The following GNAS-AS1 variants were observed in gnomAD, a reference collection of about 807,000 sequenced individuals.
GNAS-AS1 encodes the protein GNAS antisense RNA 1 (non-protein coding).
chr20:58,847,796 A>G (rs1032165513), intron 2 of GNAS-AS1, among the ~76,000 whole-genome samples: 4 of 152,230 alleles, frequency 2.6e-5, no homozygotes, highest in Non-Finnish European at 4.4e-5. Flanking sequence ...TGTTGGCTAC[A>G]GGGATAAACC....
At chr20:58,843,366 T>C (rs2085817133) in intron 2 of GNAS-AS1, 1 of 152,176 alleles carries the variant, frequency 6.6e-6, no homozygotes, top group East Asian at 1.9e-4. Context: ...TTTTGCTATA[T>C]AGACTTCGCA....
At position 58,840,405 on chromosome 20, in the gene GNAS-AS1, G is replaced by A; in HGVS notation, n.819+1532C>T. ...GACCTTGAGCTGTCCCTCCCCGAGT[G>A]CCTAGAGTACGAGGAAGAGTTCGAC... On this transcript the variant is annotated intron_variant and non_coding_transcript_variant, in intron 4 of 4. Coordinates refer to ENST00000424094, the Ensembl canonical transcript of GNAS-AS1. The surrounding 1 kb of genome is among the most constrained non-coding windows in gnomAD (Gnocchi z 6.0). The A allele has an allele frequency of 1.2e-6, 2 of 1,613,534 alleles. No homozygotes were observed. The highest frequency in any genetic ancestry group is 2.2e-5 in the South Asian group (2 of 91,084).
In GNAS-AS1 at chr20:58,840,431, T is replaced by C; in HGVS notation, n.819+1506A>G. 1.9e-6 allele frequency: 3 copies of C among 1,613,452 alleles called. No individual in the cohort carries two copies. The highest frequency in any genetic ancestry group is 2.5e-6 in the Non-Finnish European group (3 of 1,179,838). On this transcript the variant is annotated intron_variant and non_coding_transcript_variant, in intron 4 of 4. Coordinates refer to ENST00000424094, the Ensembl canonical transcript of GNAS-AS1. The surrounding 1 kb of genome is among the most constrained non-coding windows in gnomAD (Gnocchi z 6.0). Reference sequence around the variant, plus strand: ...CCTAGAGTACGAGGAAGAGTTCGACTACGAGACCGAGAGCGAGACCGAGTC... The same window carrying C: ...CCTAGAGTACGAGGAAGAGTTCGACCACGAGACCGAGAGCGAGACCGAGTC...
At chr20:58,836,757 T>C (rs2085606322) in intron 4 of GNAS-AS1, among the ~76,000 whole-genome samples, 1 of 152,210 alleles carries the variant, frequency 6.6e-6, no homozygotes, top group South Asian at 2.1e-4. Context: ...AAGTGTGAGA[T>C]GGAATGGCAT....
chr20:58,842,608 C>A, intron 2 of GNAS-AS1: 3 of 398,088 alleles, frequency 7.5e-6, no homozygotes, highest in Non-Finnish European at 1.3e-5. Flanking sequence ...ATGTTAGTCT[C>A]AGAAGTTTGG....
chr20:58,842,225 A>T (rs756247425), exon 4 of GNAS-AS1: 6 of 398,384 alleles, frequency 1.5e-5, no homozygotes, highest in Non-Finnish European at 1.3e-5. Flanking sequence ...TCCTGGGGGG[A>T]AAGACTGATA....
intron 4 of GNAS-AS1, among the ~76,000 whole-genome samples, chr20:58,823,131 C>T (rs553985457): frequency 6.8e-4 from 103 of 152,340 alleles, no homozygotes; most frequent in Non-Finnish European, 1.1e-3. Context: ...GCAGTGGCCT[C>T]CAAATCCCCC....
intron 4 of GNAS-AS1, among the ~76,000 whole-genome samples, chr20:58,821,499 T>G (rs556787899): frequency 5.3e-5 from 8 of 152,336 alleles, no homozygotes; most frequent in African/African-American, 1.7e-4. Context: ...AGTTTTCCCA[T>G]ATGTTTGCTA....
chr20:58,829,958 G>A (rs2085543268), intron 4 of GNAS-AS1, among the ~76,000 whole-genome samples: 1 of 152,058 alleles, frequency 6.6e-6, no homozygotes. Context: ...CAGTTGTGCA[G>A]ACCAAACTCT....
At chr20:58,837,888 T>C (rs2085616521) in intron 4 of GNAS-AS1, among the ~76,000 whole-genome samples, 1 of 152,234 alleles carries the variant, frequency 6.6e-6, no homozygotes, top group Non-Finnish European at 1.5e-5. Context: ...GTGGTTTTAA[T>C]ACGGGTGTGG....
At chr20:58,837,635 A>T (rs1413124269) in intron 4 of GNAS-AS1, among the ~76,000 whole-genome samples, 1 of 152,146 alleles carries the variant, frequency 6.6e-6, no homozygotes, top group Non-Finnish European at 1.5e-5. Context: ...TAGAGACAGG[A>T]TTTCACCATG....
At position 58,841,469 on chromosome 20, in the gene GNAS-AS1, C is replaced by A. The variant is rs1272504170; in HGVS notation, n.819+468G>T. 9.1e-6 allele frequency: 9 copies of A among 991,844 alleles called. No homozygotes were observed. The highest frequency in any genetic ancestry group is 1.1e-5 in the Non-Finnish European group (9 of 834,286). The allele number at this position is 991,844 out of a possible 1,614,324, so 61.4% of individuals were successfully genotyped here. The stretch of plus-strand genomic sequence containing the variant: ...CGCGCGGCGCCTAAGCAGCTCAGAG[C>A]CGGAGCCCAGGTCCCAGAGCTGACA... On this transcript the variant is annotated intron_variant and non_coding_transcript_variant, in intron 4 of 4. Transcript: ENST00000424094. The surrounding 1 kb of genome is among the most constrained non-coding windows in gnomAD (Gnocchi z 5.0).
At chr20:58,826,050 A>T in intron 4 of GNAS-AS1, 1 of 398,664 alleles carries the variant, frequency 2.5e-6, no homozygotes, top group Non-Finnish European at 4.4e-6. Context: ...TCAGCGAGAA[A>T]GACAGATGAG....
intron 2 of GNAS-AS1, chr20:58,848,826 C>A (rs1409715186): frequency 2.5e-6 from 1 of 398,504 alleles, no homozygotes; most frequent in Non-Finnish European, 4.4e-6. Context: ...TTTGGCCACA[C>A]TTCTGGGGTC....
At chr20:58,826,186 CTAATAA>C (rs1218977708) in intron 4 of GNAS-AS1, 9 of 398,358 alleles carry the variant, frequency 2.3e-5, no homozygotes, top group East Asian at 3.6e-5. Context: ...TTTAAAAGTG[CTAATAA>C]TAATAACATT....
chr20:58,837,720 G>C (rs550278421), intron 4 of GNAS-AS1, among the ~76,000 whole-genome samples: 6 of 152,308 alleles, frequency 3.9e-5, no homozygotes, highest in African/African-American at 1.4e-4. Flanking sequence ...TGGGATCATA[G>C]GTGAGAGCCA....
At chr20:58,842,126 G>A in exon 4 of GNAS-AS1, 1 of 399,418 alleles carries the variant, frequency 2.5e-6, no homozygotes, top group Non-Finnish European at 4.4e-6. Context: ...TCTGTAACCT[G>A]GAGGGGAATC....
chr20:58,827,242 C>A (rs2085527097), intron 4 of GNAS-AS1, among the ~76,000 whole-genome samples: 1 of 152,156 alleles, frequency 6.6e-6, no homozygotes, highest in Non-Finnish European at 1.5e-5. Flanking sequence ...AGAAACCCAG[C>A]CCCACAAGCA....
At chr20:58,829,914 C>T (rs1034095800) in intron 4 of GNAS-AS1, among the ~76,000 whole-genome samples, 4 of 152,224 alleles carry the variant, frequency 2.6e-5, no homozygotes, top group African/African-American at 9.6e-5. Context: ...CCCAGTGCCT[C>T]GCAGAGTACA....
Sources: gnomAD v4.1 joint callset for allele counts (sites outside exome capture counted in the v4.1 genomes callset) on GRCh38, gnomAD v4.1.1 for gene constraint, Gnocchi (gnomAD v3.1) non-coding constraint, MANE v1.5 for transcripts, NCBI Gene and HGNC (gene_info 2026-07-23, HGNC 2026-07-21) for gene names.